KIAA1671: variants seen among roughly 807,000 people sequenced by gnomAD.
KIAA1671 encodes uncharacterized protein KIAA1671.
In KIAA1671, 52 loss-of-function variants were observed where a neutral mutation model predicts 131.2. That is an observed-to-expected ratio of 0.40 (90% confidence interval 0.32 to 0.50). The LOEUF (loss-of-function observed/expected upper bound fraction) is 0.50. KIAA1671 is among the 20% of genes least tolerant of loss of function. The pLI is 0.73. For synonymous variants in KIAA1671, 1,003 were observed against 961.6 expected, an observed-to-expected ratio of 1.04 and a Z score of -0.80; for missense variants, 2,360 against 2,364.2, an observed-to-expected ratio of 1.00 and a Z score of 0.04.
chr22:25,179,575 G>T lies in KIAA1671; in HGVS notation c.5074+2053G>T, dbSNP rs539483708. ...CCTGCGTTGGGAAGGGAACGGAGCC[G>T]CTTCCCCTGCCCAATGCGTTGGCCT... On this transcript the variant is annotated intron_variant, in intron 9 of 12. Transcript: ENST00000358431. 4.8e-6 allele frequency: 7 copies of T among 1,452,716 alleles called. No homozygotes were observed. In the Admixed American group the frequency reaches 8.2e-5, roughly 17 times the overall value. 90.0% of individuals were successfully genotyped at this position (1,452,716 alleles called of 1,614,324 possible).
At chr22:25,162,279 C>T (rs1025163036) in intron 6 of KIAA1671, among the ~76,000 whole-genome samples, 3 of 152,220 alleles carry the variant, frequency 2.0e-5, no homozygotes, top group Admixed American at 2.0e-4. Context: ...CACAGGGGCA[C>T]TGGGACAGAG....
intron 1 of KIAA1671, among the ~76,000 whole-genome samples, chr22:24,960,827 T>C (rs1335964479): frequency 6.6e-6 from 1 of 151,880 alleles, no homozygotes; most frequent in Non-Finnish European, 1.5e-5. Flanking sequence ...CCCAGCAGAG[T>C]GGCTATACCT....
intron 1 of KIAA1671, among the ~76,000 whole-genome samples, chr22:24,987,393 G>A (rs919709466): frequency 6.6e-6 from 1 of 151,858 alleles, no homozygotes; most frequent in Non-Finnish European, 1.5e-5. Context: ...GGATGTTCTC[G>A]ATCTCCTGAC....
chr22:24,966,075 G>A (rs1922289272), intron 1 of KIAA1671, among the ~76,000 whole-genome samples: 1 of 152,208 alleles, frequency 6.6e-6, no homozygotes, highest in Non-Finnish European at 1.5e-5. Flanking sequence ...CAGGCAGGGA[G>A]GACTAGAGCT....
chr22:25,017,787 A>G (rs369397785), intron 1 of KIAA1671, among the ~76,000 whole-genome samples: 9 of 152,250 alleles, frequency 5.9e-5, no homozygotes, highest in East Asian at 5.8e-4. Flanking sequence ...CTGGCTCCTA[A>G]GCCAGGGCTT....
rs1449904445 is a variant in KIAA1671, at chr22:25,084,972, C to CCACACTT, written c.4530+35610_4530+35616dup. Among the ~76,000 whole-genome samples the CCACACTT allele has an allele frequency of 3.9e-5, 6 of 152,330 alleles. No individual in the cohort carries two copies. In the East Asian group the frequency reaches 1.2e-3, roughly 29 times the overall value. Reference sequence around the variant, plus strand: ...AGTGTTGTGGCAAAGAAGGCAAACGCCACACTTCCCTTTATGATGGCTGCA... The same window carrying CCACACTT: ...AGTGTTGTGGCAAAGAAGGCAAACGCCACACTTCACACTTCCCTTTATGATGGCTGCA... On this transcript the variant is annotated intron_variant, in intron 6 of 12. Transcript: ENST00000358431.
At chr22:25,057,365 GC>G (rs1927899873) in intron 6 of KIAA1671, 1 of 152,070 alleles carries the variant, frequency 6.6e-6, no homozygotes, top group African/African-American at 2.4e-5. Flanking sequence ...ATGCCGACCG[GC>G]CCGCAGGAGA....
rs1197766993 is a variant in KIAA1671, at chr22:25,184,861, C to T, written c.5200-116C>T. 54 of 1,180,614 alleles carry T rather than the reference C, an allele frequency of 4.6e-5. No individual in the cohort carries two copies. The South Asian group carries it at 5.6e-4, about 12-fold the overall frequency. 73.1% of individuals were successfully genotyped at this position (1,180,614 alleles called of 1,614,324 possible). Reference sequence around the variant, plus strand: ...CCATGTTTCCTGTCTGGGTTTATTCCGATTCAGGGGGCCCCGAGTGTTTGC... The same window carrying T: ...CCATGTTTCCTGTCTGGGTTTATTCTGATTCAGGGGGCCCCGAGTGTTTGC... On this transcript the variant is annotated intron_variant, in intron 10 of 12. Transcript: ENST00000358431.
At chr22:25,154,786 C>T (rs777873818) in intron 6 of KIAA1671, among the ~76,000 whole-genome samples, 23 of 152,234 alleles carry the variant, frequency 1.5e-4, no homozygotes, top group Non-Finnish European at 2.6e-4. Flanking sequence ...GGAAGAGAGA[C>T]TCCATTCATG....
chr22:25,022,121 A>G (rs1424684345), intron 1 of KIAA1671, among the ~76,000 whole-genome samples: 1 of 152,130 alleles, frequency 6.6e-6, no homozygotes, highest in Non-Finnish European at 1.5e-5. Flanking sequence ...GGATTTGCAG[A>G]TTTGGGGACT....
At chr22:25,128,782 G>T (rs1347953548) in intron 6 of KIAA1671, among the ~76,000 whole-genome samples, 3 of 152,176 alleles carry the variant, frequency 2.0e-5, no homozygotes, top group Non-Finnish European at 4.4e-5. Context: ...AGCTGTGTGG[G>T]ACTGGAATCA....
chr22:25,165,678 G>A (rs1016354754), intron 6 of KIAA1671, among the ~76,000 whole-genome samples: 10 of 152,202 alleles, frequency 6.6e-5, no homozygotes, highest in African/African-American at 2.4e-4. Flanking sequence ...GAGACCTGAG[G>A]TCTAGGGGAC....
chr22:25,181,027 C>T (rs887664483), intron 9 of KIAA1671, among the ~76,000 whole-genome samples: 1 of 152,164 alleles, frequency 6.6e-6, no homozygotes, highest in South Asian at 2.1e-4. Context: ...CTCAGTTCCT[C>T]GGGTAGCCCA....
At chr22:25,076,980 A>G (rs1009289191) in intron 6 of KIAA1671, among the ~76,000 whole-genome samples, 4 of 152,216 alleles carry the variant, frequency 2.6e-5, no homozygotes, top group Admixed American at 1.3e-4. Flanking sequence ...AGGAAGTGCT[A>G]GAGCCTGTAT....
chr22:25,080,482 G>C (rs768659210), intron 6 of KIAA1671, among the ~76,000 whole-genome samples: 3 of 152,214 alleles, frequency 2.0e-5, no homozygotes, highest in Non-Finnish European at 4.4e-5. Flanking sequence ...TGAGAATTCA[G>C]CTGAGCCCAG....
At chr22:24,991,965 C>T (rs1923863975) in intron 1 of KIAA1671, among the ~76,000 whole-genome samples, 2 of 151,880 alleles carry the variant, frequency 1.3e-5, no homozygotes, top group Admixed American at 1.3e-4. Context: ...TTGCTCTGTC[C>T]CCTCCGGTCT....
rs779889064 is a variant in KIAA1671 at position 25,113,793 on chromosome 22, C to A, written c.4531-57027C>A. 2.6e-5 allele frequency among the ~76,000 whole-genome samples: 4 copies of A among 152,246 alleles called. 1 individual carries two copies. The highest frequency in any genetic ancestry group is 9.6e-5 in the African/African-American group (4 of 41,466). On this transcript the variant is annotated intron_variant, in intron 6 of 12. Coordinates refer to ENST00000358431, the MANE Select transcript of KIAA1671 (RefSeq NM_001145206.2). ...TGGATTTATGAGACAGATTCCCCAA[C>A]CTCTGGAAGGTGTGACTTGCCACAG...
At chr22:25,048,134 C>A (rs372305977) in intron 5 of KIAA1671, among the ~76,000 whole-genome samples, 3 of 152,066 alleles carry the variant, frequency 2.0e-5, no homozygotes, top group African/African-American at 7.2e-5. Flanking sequence ...GATGGATGGG[C>A]AAGGTGTGGG....
chr22:25,079,675 A>T (rs573699339), intron 6 of KIAA1671, among the ~76,000 whole-genome samples: 1 of 152,302 alleles, frequency 6.6e-6, no homozygotes, highest in East Asian at 1.9e-4. Flanking sequence ...AACAGGAGGG[A>T]TGCCACGGTG....
Sources: gnomAD v4.1 joint callset for allele counts (sites outside exome capture counted in the v4.1 genomes callset) on GRCh38, gnomAD v4.1.1 for gene constraint, MANE v1.5 for transcripts, NCBI Gene and HGNC (gene_info 2026-07-23, HGNC 2026-07-21) for gene names.